Variants in C3orf20 observed in about 807,000 individuals in gnomAD.
The protein encoded by C3orf20 is uncharacterized protein C3orf20.
A neutral mutation model predicts 88.3 loss-of-function variants in C3orf20; 76 were observed. The ratio of observed to expected loss-of-function variants is 0.86; its 90% CI spans 0.72 to 1.04. The LOEUF is 1.04. Ranked by LOEUF, C3orf20 falls within the 50% of genes least tolerant of loss-of-function variation. The pLI, the probability that C3orf20 is intolerant of heterozygous loss-of-function variation, is 0.00. For synonymous variants in C3orf20, 436 were observed against 437.4 expected (o/e 1.00, Z 0.04); for missense variants, 1,056 against 1,123.3 (o/e 0.94, Z 0.86).
At chr3:14,708,943 C>T (rs1029235370) in intron 7 of C3orf20, among the ~76,000 whole-genome samples, 1 of 152,074 alleles carries the variant, frequency 6.6e-6, no homozygotes, top group Non-Finnish European at 1.5e-5. Flanking sequence ...CACACCCGGC[C>T]AACAATATTA....
intron 10 of C3orf20, among the ~76,000 whole-genome samples, chr3:14,726,119 G>A (rs1260773902): frequency 2.0e-5 from 3 of 152,262 alleles, no homozygotes; most frequent in Non-Finnish European, 2.9e-5. Flanking sequence ...AACCAAGTAT[G>A]TAGGAGTTTA....
At chr3:14,713,186 T>G (rs2033815228) in intron 7 of C3orf20, among the ~76,000 whole-genome samples, 2 of 152,330 alleles carry the variant, frequency 1.3e-5, no homozygotes, top group Middle Eastern at 3.4e-3. Context: ...AACATGTATA[T>G]TATTGTCTTT....
In C3orf20 at chr3:14,726,920, A is replaced by G. The variant is rs539605556; in HGVS notation, c.1586A>G (p.Asn529Ser). The G allele has an allele frequency of 1.2e-6, 2 of 1,614,204 alleles. No individual in the cohort carries two copies. Among genetic ancestry groups the G allele is most frequent in the Admixed American group, 3.3e-5 (2 of 60,024 alleles). ...CTCCAGCTGAACCGCAGAATCAGCA[A>G]CATGGACGACAAGGTGTATAAGATG... is the stretch of plus-strand genomic sequence containing the variant. ...YDKRLNRRIS[N>S]MDDKVYKMSR... is the part of the protein sequence containing the mutation. The change falls in exon 11 of 17, where the codon AAC (asparagine) becomes AGC (serine). Residue 529 changes from asparagine to serine, a missense_variant. By Grantham distance (46) the Asn-to-Ser change is conservative (BLOSUM62 1). Coordinates refer to ENST00000253697, the MANE Select transcript of C3orf20 (RefSeq NM_032137.5).
In C3orf20 at chr3:14,728,464, C is replaced by CA; in HGVS notation, c.1721dup (p.Glu575GlyfsTer49). ...GTCTGTTTACCATTGAATATCCCAC[C>CA]AAAAAGGAGGAGGAAGAATTTGTTC... On this transcript the variant is annotated frameshift_variant, in exon 12 of 17. Coordinates refer to ENST00000253697, the MANE Select transcript of C3orf20 (RefSeq NM_032137.5). LOFTEE classifies it high-confidence loss of function. 6.2e-7 allele frequency: 1 copy of CA among 1,614,096 alleles called. No homozygotes were observed. The highest frequency in any genetic ancestry group is 1.6e-4 in the Middle Eastern group (1 of 6,062).
chr3:14,740,030 T>G (rs576943134), intron 12 of C3orf20, among the ~76,000 whole-genome samples: 6 of 152,358 alleles, frequency 3.9e-5, no homozygotes, highest in Non-Finnish European at 8.8e-5. Context: ...GCTGTCTTAT[T>G]TGTGCATTCA....
chr3:14,739,292 A>G, intron 12 of C3orf20, among the ~76,000 whole-genome samples: 1 of 152,204 alleles, frequency 6.6e-6, no homozygotes, highest in Non-Finnish European at 1.5e-5. Context: ...CATAAAAATA[A>G]TAATCTTGTA....
rs747065741 is a variant in C3orf20, at chr3:14,690,028, G to T, written c.657G>T (p.Val219=). ...TCGCAAACATGTCCGCCATTGGGGT[G>T]AACTCGCCTTACCAGCTGATCTACC... ...ESLANMSAIG[V]NSPYQLIYHS... is the part of the protein sequence containing the mutation. Residue 219 remains valine (V), a synonymous_variant, in exon 5 of 17, where the codon GTG becomes GTT. Coordinates refer to ENST00000253697, the MANE Select transcript of C3orf20 (RefSeq NM_032137.5). 5.0e-6 allele frequency: 8 copies of T among 1,614,052 alleles called. No homozygotes were observed. Among genetic ancestry groups the T allele is most frequent in the Non-Finnish European group, 6.8e-6 (8 of 1,180,024 alleles).
intron 5 of C3orf20, among the ~76,000 whole-genome samples, chr3:14,692,885 A>G (rs79208209): frequency 0.015 from 2,290 of 152,284 alleles, 45 homozygotes; most frequent in African/African-American, 0.052. Flanking sequence ...TAAGTCTTCA[A>G]TCCATTTTGA....
In C3orf20 at chr3:14,692,264, C is replaced by T. The variant is rs528801599; in HGVS notation, c.745+2148C>T. 4.6e-5 allele frequency among the ~76,000 whole-genome samples: 7 copies of T among 152,258 alleles called. No individual in the cohort carries two copies. The East Asian group carries it at 5.8e-4, about 13-fold the overall frequency. On this transcript the variant is annotated intron_variant, in intron 5 of 16. Coordinates refer to ENST00000253697, the MANE Select transcript of C3orf20 (RefSeq NM_032137.5). The stretch of plus-strand genomic sequence containing the variant: ...TTCTGTTCTTTCAGGTATATACCTA[C>T]GTGTGGAATTGCTGGATCGCATAGT...
chr3:14,772,775 C>G lies in C3orf20; in HGVS notation c.2631-16C>G. ...AACAGCCCTTCCGCCTCCCGGCCCT[C>G]TATTTTGATCTTTAGGACAAGAGAG... is the stretch of plus-strand genomic sequence containing the variant. On this transcript the variant is annotated splice_polypyrimidine_tract_variant and intron_variant, in intron 16 of 16. Transcript: ENST00000253697. The surrounding 1 kb of genome is among the most constrained non-coding windows in gnomAD (Gnocchi z 4.2). The G allele has an allele frequency of 6.2e-7, 1 of 1,609,716 alleles. No individual in the cohort carries two copies. Among genetic ancestry groups the G allele is most frequent in the Non-Finnish European group, 8.5e-7 (1 of 1,176,200 alleles).
At chr3:14,721,574 G>A in intron 9 of C3orf20, 79 bp from the exon 10 acceptor site, 1 of 1,562,308 alleles carries the variant, frequency 6.4e-7, no homozygotes, top group African/African-American at 1.4e-5. Context: ...CAGGGGCTTT[G>A]TGCTTCGTGG....
At chr3:14,684,508 C>A in intron 4 of C3orf20, 126 bp downstream of exon 4, 1 of 1,265,468 alleles carries the variant, frequency 7.9e-7, no homozygotes, top group Non-Finnish European at 1.1e-6. Flanking sequence ...TGTGGAGCAA[C>A]AGGGATTTTC....
In C3orf20 at chr3:14,772,967, C is replaced by T; in HGVS notation, c.*92C>T. The T allele has an allele frequency of 1.1e-6, 1 of 933,136 alleles. No homozygotes were observed. The allele number at this position is 933,136 out of a possible 1,614,324, so 57.8% of individuals were successfully genotyped here. A position where few individuals can be genotyped will look rare whatever the true frequency, so the allele number is the denominator to read the frequency against. ...AGCCCTGCCTCCCCGGTCTCCCACC[C>T]TGTCCTCCAAGCTTCTATAATAAAC... On this transcript the variant is annotated 3_prime_UTR_variant, in exon 17 of 17. Coordinates refer to ENST00000253697, the MANE Select transcript of C3orf20 (RefSeq NM_032137.5). This position sits in a 1 kb window ranked among gnomAD's most constrained non-coding sequence, Gnocchi z 4.2.
At chr3:14,734,169 T>A (rs1479680015) in intron 12 of C3orf20, among the ~76,000 whole-genome samples, 1 of 152,210 alleles carries the variant, frequency 6.6e-6, no homozygotes, top group African/African-American at 2.4e-5. Context: ...ATTGTGTTGA[T>A]CTTCTTATAC....
chr3:14,751,614 A>G (rs1010156870), intron 12 of C3orf20, among the ~76,000 whole-genome samples: 3 of 152,252 alleles, frequency 2.0e-5, no homozygotes, highest in Non-Finnish European at 4.4e-5. Flanking sequence ...CCTTAAGCTG[A>G]TAAGCAACTT....
At chr3:14,702,813 C>T (rs2033330015) in intron 5 of C3orf20, among the ~76,000 whole-genome samples, 1 of 152,130 alleles carries the variant, frequency 6.6e-6, no homozygotes, top group Non-Finnish European at 1.5e-5. Context: ...TCACCATTAA[C>T]CCAACAGTCC....
chr3:14,688,529 CAAAAAAAAA>C (rs35979290), intron 4 of C3orf20, among the ~76,000 whole-genome samples: 1 of 105,858 alleles, frequency 9.4e-6, no homozygotes, highest in Admixed American at 1.1e-4. Context: ...GAGACTGTCT[CAAAAAAAAA>C]AAAAAAAAGA....
chr3:14,727,855 C>A (rs989249769), intron 11 of C3orf20, among the ~76,000 whole-genome samples: 1 of 152,092 alleles, frequency 6.6e-6, no homozygotes, highest in African/African-American at 2.4e-5. Context: ...GTGACTATGT[C>A]CCCCATCCTG....
At chr3:14,703,420 C>T (rs1160456968) in intron 6 of C3orf20, among the ~76,000 whole-genome samples, 158 bp downstream of exon 6, 1 of 152,248 alleles carries the variant, frequency 6.6e-6, no homozygotes, top group Admixed American at 6.5e-5. Context: ...ACGACAGCCA[C>T]AGGTGCAGCA....
Sources: allele counts gnomAD v4.1 joint callset (sites outside exome capture counted in the v4.1 genomes callset), GRCh38; gene constraint gnomAD v4.1.1; non-coding constraint Gnocchi (gnomAD v3.1); transcripts MANE v1.5; gene names NCBI Gene and HGNC (gene_info 2026-07-23, HGNC 2026-07-21).